Variants in GABPB2 observed in about 807,000 individuals in gnomAD.
GABPB2 encodes the protein GA-binding protein subunit beta-2.
Under a neutral mutation model 39.1 loss-of-function variants are expected in GABPB2, and 23 were observed. The ratio of observed to expected loss-of-function variants is 0.59; its 90% CI spans 0.42 to 0.83. The LOEUF (loss-of-function observed/expected upper bound fraction) is 0.83. Ranked by LOEUF, GABPB2 falls within the 40% of genes least tolerant of loss-of-function variation. GABPB2 has a pLI of 0.00. For missense variants in GABPB2, 467 were observed against 541.1 expected (o/e 0.86, Z 1.36); for synonymous variants, 184 against 199.3 (o/e 0.92, Z 0.65).
chr1:151,096,827 C>T (rs1219540534), intron 4 of GABPB2, among the ~76,000 whole-genome samples: 1 of 152,186 alleles, frequency 6.6e-6, no homozygotes, highest in Non-Finnish European at 1.5e-5. Context: ...GGATCTCTTG[C>T]TAGCACACTG....
At chr1:151,077,502 A>G (rs1264207615) in intron 1 of GABPB2, among the ~76,000 whole-genome samples, 2 of 151,826 alleles carry the variant, frequency 1.3e-5, no homozygotes, top group Non-Finnish European at 2.9e-5. Context: ...GACTACAGGC[A>G]TGCAACACCA....
chr1:151,124,130 TCAG>T lies in GABPB2; in HGVS notation c.*5875_*5877del. On this transcript the variant is annotated 3_prime_UTR_variant, in exon 9 of 9. Coordinates refer to ENST00000368918, the MANE Select transcript of GABPB2 (RefSeq NM_144618.3). ...GAAAGAAAAAGGAAAAAAAGAAATA[TCAG>T]TTTGAGAAATGATTTTTTTTTCTTT... The T allele has an allele frequency of 6.9e-6, 1 of 145,176 alleles. No homozygotes were observed. The highest frequency in any genetic ancestry group is 2.5e-5 in the African/African-American group (1 of 39,702). The allele number at this position is 145,176 out of a possible 1,614,324, so 9.0% of individuals were successfully genotyped here. A position where few individuals can be genotyped will look rare whatever the true frequency, so the allele number is the denominator to read the frequency against.
At chr1:151,082,165 C>G (rs1050827863) in intron 1 of GABPB2, among the ~76,000 whole-genome samples, 21 of 150,612 alleles carry the variant, frequency 1.4e-4, no homozygotes, top group African/African-American at 4.4e-4. Context: ...CAACCTCTAC[C>G]TCCCGGGTCC....
rs190252233 is a variant in GABPB2 at position 151,122,578 on chromosome 1, G to A, written c.*4322G>A. 7.2e-5 allele frequency: 11 copies of A among 152,164 alleles called. No individual in the cohort carries two copies. In the East Asian group the frequency reaches 2.1e-3, roughly 29 times the overall value. 9.4% of individuals were successfully genotyped at this position (152,164 alleles called of 1,614,324 possible). On this transcript the variant is annotated 3_prime_UTR_variant, in exon 9 of 9. Coordinates refer to ENST00000368918, the MANE Select transcript of GABPB2 (RefSeq NM_144618.3). ...CACCTCGCCCATTAAGGGGAAGGAG[G>A]TTAACTCTGCAGATGATATTCAGGC...
intron 7 of GABPB2, among the ~76,000 whole-genome samples, chr1:151,108,446 A>G (rs900407639): frequency 6.6e-6 from 1 of 152,204 alleles, no homozygotes; most frequent in South Asian, 2.1e-4. Flanking sequence ...TGCTGGGATT[A>G]TAGGTATGAG....
chr1:151,103,777 T>A, intron 6 of GABPB2, 102 bp downstream of exon 6: 2 of 765,356 alleles, frequency 2.6e-6, no homozygotes, highest in Non-Finnish European at 2.1e-6. Context: ...GAATTGCATT[T>A]AATTAGAGGC....
chr1:151,115,216 C>T (rs1365380625), intron 7 of GABPB2, among the ~76,000 whole-genome samples: 1 of 151,424 alleles, frequency 6.6e-6, no homozygotes, highest in East Asian at 2.0e-4. Flanking sequence ...CAAAATTAGC[C>T]GAGTGTGGTG....
At chr1:151,104,802 T>TTTCTTTCTTTC (rs10638922) in intron 6 of GABPB2, among the ~76,000 whole-genome samples, 26,470 of 139,234 alleles carry the variant, frequency 0.19, 2,972 homozygotes, top group Non-Finnish European at 0.22. Context: ...TCTTTCTTTC[T>TTTCTTTCTTTC]TTTCTTTCTT....
rs1158183759 is a variant in GABPB2 at position 151,070,937 on chromosome 1, G to T, written c.-1+3G>T. ...CCGGCAGCGTCCCGGACGAGGAGGTGAGGAGGAAAGAAGAGATGTGTGGAC... is the reference window on the plus strand; with the variant it reads ...CCGGCAGCGTCCCGGACGAGGAGGTTAGGAGGAAAGAAGAGATGTGTGGAC... On this transcript the variant is annotated splice_donor_region_variant and intron_variant, in intron 1 of 8. Coordinates refer to ENST00000368918, the MANE Select transcript of GABPB2 (RefSeq NM_144618.3). 1 of 152,236 alleles carries T rather than the reference G, an allele frequency of 6.6e-6. No individual in the cohort carries two copies. Among genetic ancestry groups the T allele is most frequent in the East Asian group, 1.9e-4 (1 of 5,198 alleles). 9.4% of individuals were successfully genotyped at this position (152,236 alleles called of 1,614,324 possible).
At chr1:151,112,332 T>TTTG (rs1217361135) in intron 7 of GABPB2, 2 of 152,182 alleles carry the variant, frequency 1.3e-5, no homozygotes, top group African/African-American at 4.8e-5. Context: ...ATTTTTTCTT[T>TTTG]TTGTTGTTGT....
chr1:151,082,509 C>A (rs1169009042), intron 1 of GABPB2, among the ~76,000 whole-genome samples: 1 of 133,914 alleles, frequency 7.5e-6, no homozygotes, highest in African/African-American at 2.8e-5. Flanking sequence ...TCATGTGATT[C>A]TCTTGCCTCA....
chr1:151,103,044 C>CT (rs376522230), intron 5 of GABPB2, among the ~76,000 whole-genome samples: 62,924 of 88,372 alleles, frequency 0.71, 23,557 homozygotes, highest in East Asian at 0.84. Context: ...ACAAAGTATA[C>CT]TTTTTTTTTT....
At chr1:151,102,744 G>A (rs981321087) in intron 5 of GABPB2, among the ~76,000 whole-genome samples, 2 of 152,104 alleles carry the variant, frequency 1.3e-5, no homozygotes, top group African/African-American at 4.8e-5. Context: ...ATCCGGCCAT[G>A]AAACTTTAGG....
chr1:151,090,295 C>T, intron 2 of GABPB2, 111 bp from the exon 3 acceptor site: 4 of 1,058,278 alleles, frequency 3.8e-6, no homozygotes, highest in Non-Finnish European at 5.4e-6. Flanking sequence ...ATCTGCCCAA[C>T]CAGATTCTCT....
intron 2 of GABPB2, among the ~76,000 whole-genome samples, 157 bp from the exon 3 acceptor site, chr1:151,090,249 C>T (rs1678557389): frequency 6.6e-6 from 1 of 152,060 alleles, no homozygotes; most frequent in Admixed American, 6.6e-5. Context: ...TGGCCCCTGG[C>T]CTTTAATTTG....
intron 1 of GABPB2, among the ~76,000 whole-genome samples, chr1:151,085,148 A>G (rs777103521): frequency 2.0e-5 from 3 of 151,660 alleles, no homozygotes; most frequent in Non-Finnish European, 2.9e-5. Flanking sequence ...CTGTAATCCC[A>G]GCACTTTGGG....
At chr1:151,111,510 C>T (rs1203026775) in intron 7 of GABPB2, among the ~76,000 whole-genome samples, 19 of 151,910 alleles carry the variant, frequency 1.3e-4, no homozygotes, top group African/African-American at 4.1e-4. Context: ...GCAAGCTCCA[C>T]CTCCCGGGTT....
chr1:151,072,643 C>G (rs1350353749), intron 1 of GABPB2, among the ~76,000 whole-genome samples: 1 of 151,932 alleles, frequency 6.6e-6, no homozygotes, highest in Non-Finnish European at 1.5e-5. Context: ...GTCAGGAGTT[C>G]GACACCAGCC....
intron 7 of GABPB2, among the ~76,000 whole-genome samples, chr1:151,116,559 T>C (rs1004615026): frequency 6.6e-6 from 1 of 152,114 alleles, no homozygotes; most frequent in Non-Finnish European, 1.5e-5. Context: ...CTCAAAAATA[T>C]ATAAAGACTT....
Sources: allele counts gnomAD v4.1 joint callset (sites outside exome capture counted in the v4.1 genomes callset), GRCh38; gene constraint gnomAD v4.1.1; transcripts MANE v1.5; gene names NCBI Gene and HGNC (gene_info 2026-07-23, HGNC 2026-07-21).